Variants in GLDC observed in about 807,000 individuals in gnomAD.
GLDC encodes the protein glycine dehydrogenase (decarboxylating), mitochondrial.
A neutral mutation model predicts 121.3 loss-of-function variants in GLDC; 104 were observed. The ratio of observed to expected loss-of-function variants is 0.86; its 90% CI spans 0.73 to 1.01. GLDC has a LOEUF of 1.01. Among genes scored for constraint, GLDC ranks in the 50% least tolerant of loss-of-function variants. GLDC has a pLI of 0.00. For synonymous variants in GLDC, 546 were observed against 480.6 expected (o/e 1.14, Z -1.78); for missense variants, 1,429 against 1,306.6 (o/e 1.09, Z -1.44).
intron 13 of GLDC, 52 bp from the exon 14 acceptor site, chr9:6,588,494 T>A (rs756802990): frequency 4.0e-6 from 6 of 1,512,596 alleles, no homozygotes; most frequent in Non-Finnish European, 5.5e-6. Flanking sequence ...CTATAGTCCA[T>A]CAATCAACCC....
intron 3 of GLDC, among the ~76,000 whole-genome samples, chr9:6,616,646 G>C (rs1257361075): frequency 6.6e-6 from 1 of 152,156 alleles, no homozygotes; most frequent in South Asian, 2.1e-4. Context: ...AAACATGCCT[G>C]TCATCTATAA....
chr9:6,553,494 G>A lies in GLDC; in HGVS notation c.2331C>T (p.Ala777=). 1 of 1,612,676 alleles carries A rather than the reference G, an allele frequency of 6.2e-7. No homozygotes were observed. The highest frequency in any genetic ancestry group is 2.2e-5 in the East Asian group (1 of 44,860). ...MGPIGVKKHL[A]PFLPNHPVIS... ...TGACGGGATGATTGGGCAAAAACGG[G>A]GCGAGATGTTTCTTCCTGTATTTTT... Residue 777 remains alanine, a synonymous_variant, in exon 20 of 25, where the codon GCC becomes GCT. Coordinates refer to ENST00000321612, the MANE Select transcript of GLDC (RefSeq NM_000170.3).
chr9:6,579,702 T>C (rs1818138435), intron 15 of GLDC, among the ~76,000 whole-genome samples: 1 of 152,156 alleles, frequency 6.6e-6, no homozygotes, highest in Non-Finnish European at 1.5e-5. Flanking sequence ...AATGTCCTTT[T>C]TACTTAATAC....
intron 2 of GLDC, among the ~76,000 whole-genome samples, chr9:6,626,771 A>T (rs1453048705): frequency 1.3e-5 from 2 of 152,100 alleles, no homozygotes; most frequent in Non-Finnish European, 2.9e-5. Context: ...GAGAGCCCTG[A>T]CTACAGCCCA....
intron 1 of GLDC, 70 bp from the exon 2 acceptor site, chr9:6,644,762 A>G (rs1471435665): frequency 3.7e-6 from 4 of 1,066,996 alleles, no homozygotes; most frequent in Non-Finnish European, 5.8e-6. Flanking sequence ...TTTTGCGACT[A>G]CAAAGCCTTG....
intron 2 of GLDC, among the ~76,000 whole-genome samples, chr9:6,634,088 C>T (rs898918147): frequency 9.2e-5 from 14 of 151,916 alleles, no homozygotes; most frequent in African/African-American, 7.3e-5. Flanking sequence ...CCTCAGCCTC[C>T]CAAAGTGCTG....
At chr9:6,637,233 C>T (rs1163441220) in intron 2 of GLDC, among the ~76,000 whole-genome samples, 5 of 151,800 alleles carry the variant, frequency 3.3e-5, no homozygotes, top group South Asian at 2.1e-4. Flanking sequence ...GGTGAAACCC[C>T]GTCTCTACTA....
In GLDC at chr9:6,565,388, G is replaced by T; in HGVS notation, c.1892C>A (p.Ala631Asp). The T allele has an allele frequency of 6.2e-7, 1 of 1,613,890 alleles. No homozygotes were observed. Among genetic ancestry groups the T allele is most frequent in the African/African-American group, 1.3e-5 (1 of 75,026 alleles). The change falls in exon 16 of 25, where the codon GCC becomes GAC. Residue 631 changes from alanine (A) to aspartate (D), a missense_variant. By Grantham distance (126) the Ala-to-Asp change is moderately radical (BLOSUM62 -2). Coordinates refer to ENST00000321612, the MANE Select transcript of GLDC (RefSeq NM_000170.3). Reference protein sequence around the residue: ...GEYAGLATIRAYLNQKGEGHR... With the variant: ...GEYAGLATIRDYLNQKGEGHR... ...CCCCTCTCCTTTCTGGTTTAAGTAG[G>T]CTCGGATAGTGGCCAGTCCAGCATA...
chr9:6,595,415 C>T (rs1185421802), intron 8 of GLDC, among the ~76,000 whole-genome samples: 3 of 152,118 alleles, frequency 2.0e-5, no homozygotes, highest in African/African-American at 4.8e-5. Flanking sequence ...ATCACACTAC[C>T]ATCAGACATT....
intron 21 of GLDC, 40 bp from the exon 22 acceptor site, chr9:6,540,186 C>G (rs748656269): frequency 1.6e-6 from 2 of 1,231,606 alleles, no homozygotes; most frequent in Admixed American, 1.7e-5. Context: ...TTAGCATCAG[C>G]TTATTGTTTT....
intron 11 of GLDC, among the ~76,000 whole-genome samples, chr9:6,590,653 C>A (rs1818358320): frequency 6.6e-6 from 1 of 152,156 alleles, no homozygotes; most frequent in Admixed American, 6.5e-5. Flanking sequence ...GAAACATGAG[C>A]CAAATAAAGC....
chr9:6,640,619 G>A (rs148305080), intron 2 of GLDC, among the ~76,000 whole-genome samples: 231 of 152,338 alleles, frequency 1.5e-3, no homozygotes, highest in African/African-American at 5.1e-3. Context: ...TGAATAATGT[G>A]AACATTGGAG....
intron 16 of GLDC, among the ~76,000 whole-genome samples, chr9:6,561,335 T>A (rs1817754769): frequency 6.6e-6 from 1 of 152,214 alleles, no homozygotes; most frequent in South Asian, 2.1e-4. Context: ...TTTATAATGT[T>A]AAGTTTTTCC....
At chr9:6,644,875 G>A (rs535733760) in intron 1 of GLDC, 183 bp from the exon 2 acceptor site, 2 of 646,050 alleles carry the variant, frequency 3.1e-6, no homozygotes, top group South Asian at 1.8e-5. Context: ...GTGAAGTGGG[G>A]TGGAGATTCC....
At chr9:6,569,772 T>C (rs1368760542) in intron 15 of GLDC, among the ~76,000 whole-genome samples, 3 of 151,962 alleles carry the variant, frequency 2.0e-5, no homozygotes, top group African/African-American at 4.8e-5. Flanking sequence ...AGTTAGAAGA[T>C]CGAGACCAGC....
rs373403791 is a variant in GLDC at position 6,558,703 on chromosome 9, G to A, written c.1927-19C>T. 26 of 1,613,968 alleles carry A rather than the reference G, an allele frequency of 1.6e-5. No homozygotes were observed. The African/African-American group carries it at 2.0e-4, about 12-fold the overall frequency. ...GGCAAACCTACAGAATAGAAAGGAAGCAAAGAAAGAGCAAAATCATCATCA... is the reference window on the plus strand; with the variant it reads ...GGCAAACCTACAGAATAGAAAGGAAACAAAGAAAGAGCAAAATCATCATCA... On this transcript the variant is annotated intron_variant, in intron 16 of 24. Coordinates refer to ENST00000321612, the MANE Select transcript of GLDC (RefSeq NM_000170.3).
Position 6,595,048 on chromosome 9 carries a change from C to T in GLDC, c.1227G>A (p.Arg409=), listed in dbSNP as rs778700604. Reference sequence around the variant, plus strand: ...AAATCAAAGTGGCATTATGTACCCTCCTAGCAATATGCTCCAGCCCATGGG... The same window carrying T: ...AAATCAAAGTGGCATTATGTACCCTTCTAGCAATATGCTCCAGCCCATGGG... ...HGSHGLEHIA[R]RVHNATLILS... is the part of the protein sequence containing the mutation. Residue 409 remains arginine (R), a synonymous_variant, in exon 9 of 25, where the codon AGG becomes AGA. Coordinates refer to ENST00000321612, the MANE Select transcript of GLDC (RefSeq NM_000170.3). 1 of 1,611,896 alleles carries T rather than the reference C, an allele frequency of 6.2e-7. No individual in the cohort carries two copies. Among genetic ancestry groups the T allele is most frequent in the East Asian group, 2.2e-5 (1 of 44,876 alleles).
chr9:6,619,803 A>G (rs536229786), intron 3 of GLDC, among the ~76,000 whole-genome samples: 92 of 152,274 alleles, frequency 6.0e-4, no homozygotes, highest in African/African-American at 2.1e-3. Context: ...CAATGACTCA[A>G]TGAGATAGCT....
Position 6,558,700 on chromosome 9 carries a change from G to C in GLDC, c.1927-16C>G, listed in dbSNP as rs1817685878. 17 of 1,614,044 alleles carry C rather than the reference G, an allele frequency of 1.1e-5. No individual in the cohort carries two copies. The South Asian group carries it at 1.6e-4, about 16-fold the overall frequency. The stretch of plus-strand genomic sequence containing the variant: ...TGAGGCAAACCTACAGAATAGAAAG[G>C]AAGCAAAGAAAGAGCAAAATCATCA... On this transcript the variant is annotated splice_polypyrimidine_tract_variant and intron_variant, in intron 16 of 24. Coordinates refer to ENST00000321612, the MANE Select transcript of GLDC (RefSeq NM_000170.3).
Sources: gnomAD v4.1 joint callset for allele counts (sites outside exome capture counted in the v4.1 genomes callset) on GRCh38, gnomAD v4.1.1 for gene constraint, MANE v1.5 for transcripts, NCBI Gene and HGNC (gene_info 2026-07-23, HGNC 2026-07-21) for gene names.